TMEM232: variants seen among roughly 807,000 people sequenced by gnomAD.
TMEM232 encodes the protein transmembrane protein 232.
In TMEM232, 80 loss-of-function variants were observed where a neutral mutation model predicts 78.8. That is an observed-to-expected ratio of 1.01 (90% CI 0.85 to 1.22). The LOEUF (loss-of-function observed/expected upper bound fraction) is 1.22, where lower values mean the gene tolerates loss of function less well. Among genes scored for constraint, TMEM232 ranks in the 50% most tolerant of loss-of-function variants. The pLI is 0.00. For missense variants in TMEM232, 881 were observed against 742.2 expected, an observed-to-expected ratio of 1.19 and a Z score of -2.17; for synonymous variants, 297 against 254.3, an observed-to-expected ratio of 1.17 and a Z score of -1.60.
At chr5:110,429,893 A>C (rs1757638649) in intron 12 of TMEM232, 1 of 151,622 alleles carries the variant, frequency 6.6e-6, no homozygotes, top group Non-Finnish European at 1.5e-5. Context: ...CTTACCTTTT[A>C]ATTATTTGGC....
intron 13 of TMEM232, among the ~76,000 whole-genome samples, chr5:110,421,971 G>A (rs1023891409): frequency 1.3e-5 from 2 of 152,110 alleles, no homozygotes; most frequent in Admixed American, 6.5e-5. Context: ...AACCAGTTTT[G>A]CATAAAATGT....
At chr5:110,689,394 T>A (rs182694520) in intron 1 of TMEM232, among the ~76,000 whole-genome samples, 3,557 of 151,446 alleles carry the variant, frequency 0.023, 125 homozygotes, top group African/African-American at 0.08. Flanking sequence ...ATTTAAAAAT[T>A]GGCAATTTTT....
intron 10 of TMEM232, among the ~76,000 whole-genome samples, chr5:110,573,764 G>T (rs964520183): frequency 3.3e-5 from 5 of 152,184 alleles, no homozygotes; most frequent in African/African-American, 1.2e-4. Context: ...ATGAAGAAGA[G>T]TTAATCATTG....
chr5:110,642,642 G>C (rs1361016877), intron 2 of TMEM232, among the ~76,000 whole-genome samples: 2 of 152,000 alleles, frequency 1.3e-5, no homozygotes, highest in Non-Finnish European at 2.9e-5. Flanking sequence ...TAGAAGTCTT[G>C]TTGGTATAAG....
intron 12 of TMEM232, among the ~76,000 whole-genome samples, chr5:110,525,036 TAA>T (rs1354899082): frequency 6.6e-6 from 1 of 152,030 alleles, no homozygotes; most frequent in African/African-American, 2.4e-5. Context: ...TCCTTAAATC[TAA>T]AATGAGTTTC....
intron 11 of TMEM232, among the ~76,000 whole-genome samples, chr5:110,539,786 G>T (rs1772867022): frequency 6.6e-6 from 1 of 152,104 alleles, no homozygotes; most frequent in South Asian, 2.1e-4. Flanking sequence ...GGCAGACAGG[G>T]GATACAAAGT....
intron 11 of TMEM232, among the ~76,000 whole-genome samples, chr5:110,561,534 AAAAG>A (rs1399730818): frequency 2.0e-5 from 3 of 152,142 alleles, no homozygotes; most frequent in Non-Finnish European, 2.9e-5. Flanking sequence ...CATGATACAT[AAAAG>A]AAAGAAACAA....
At chr5:110,458,524 C>T (rs1260512773) in intron 12 of TMEM232, among the ~76,000 whole-genome samples, 1 of 152,144 alleles carries the variant, frequency 6.6e-6, no homozygotes, top group African/African-American at 2.4e-5. Context: ...GGCCCCTCTG[C>T]AGGAGAGATG....
intron 12 of TMEM232, among the ~76,000 whole-genome samples, chr5:110,492,950 C>T (rs1274027133): frequency 6.6e-6 from 1 of 151,792 alleles, no homozygotes; most frequent in Non-Finnish European, 1.5e-5. Context: ...GAATGAGAGG[C>T]AGTACACATA....
chr5:110,690,344 A>G (rs1217439712), intron 1 of TMEM232, among the ~76,000 whole-genome samples: 3 of 152,230 alleles, frequency 2.0e-5, no homozygotes, highest in Non-Finnish European at 2.9e-5. Flanking sequence ...AAAAGAAGAC[A>G]TATATGTGGT....
At chr5:110,653,446 A>T (rs551475666) in intron 2 of TMEM232, among the ~76,000 whole-genome samples, 4 of 152,172 alleles carry the variant, frequency 2.6e-5, no homozygotes, top group Non-Finnish European at 5.9e-5. Context: ...TGAGATTCAG[A>T]AAAAGCTTCT....
intron 12 of TMEM232, among the ~76,000 whole-genome samples, chr5:110,521,426 T>G (rs1470320951): frequency 6.6e-6 from 1 of 152,228 alleles, no homozygotes; most frequent in Non-Finnish European, 1.5e-5. Flanking sequence ...ACTTTTAACT[T>G]TGTTGATTGT....
chr5:110,516,204 ACT>A (rs1768616684), intron 12 of TMEM232, among the ~76,000 whole-genome samples: 1 of 152,144 alleles, frequency 6.6e-6, no homozygotes. Context: ...GCGCCACTGC[ACT>A]TCAGCCTGGG....
At chr5:110,595,990 T>C (rs957263779) in intron 10 of TMEM232, among the ~76,000 whole-genome samples, 1 of 151,978 alleles carries the variant, frequency 6.6e-6, no homozygotes, top group African/African-American at 2.4e-5. Context: ...TCTCCAAGGA[T>C]GAAATGAAGG....
intron 12 of TMEM232, among the ~76,000 whole-genome samples, chr5:110,498,690 T>G (rs1409518508): frequency 6.6e-6 from 1 of 152,132 alleles, no homozygotes; most frequent in Non-Finnish European, 1.5e-5. Context: ...GAATGGCTAA[T>G]ACTCAAGGGG....
chr5:110,535,663 TGAA>T (rs1772241591), intron 11 of TMEM232, among the ~76,000 whole-genome samples: 2 of 152,074 alleles, frequency 1.3e-5, no homozygotes, highest in South Asian at 2.1e-4. Context: ...ATTGCACAAA[TGAA>T]GATATTATGG....
intron 1 of TMEM232, among the ~76,000 whole-genome samples, chr5:110,712,586 A>G (rs1796603549): frequency 6.6e-6 from 1 of 152,148 alleles, no homozygotes. Flanking sequence ...ACCTTGTGTA[A>G]AAAGTCCCTG....
At chr5:110,718,953 T>C (rs969495937) in intron 1 of TMEM232, among the ~76,000 whole-genome samples, 2 of 152,050 alleles carry the variant, frequency 1.3e-5, no homozygotes, top group Non-Finnish European at 2.9e-5. Context: ...TATATAGTTA[T>C]ATGTCACTTA....
intron 8 of TMEM232, among the ~76,000 whole-genome samples, chr5:110,611,987 G>A (rs973237782): frequency 6.6e-6 from 1 of 152,162 alleles, no homozygotes; most frequent in Admixed American, 6.6e-5. Context: ...AGGACACGAC[G>A]ACGTGTACTG....
Sources: allele counts gnomAD v4.1 joint callset (sites outside exome capture counted in the v4.1 genomes callset), GRCh38; gene constraint gnomAD v4.1.1; transcripts MANE v1.5; gene names NCBI Gene and HGNC (gene_info 2026-07-23, HGNC 2026-07-21).